Variants in PPME1 observed in about 807,000 individuals in gnomAD.
PPME1 encodes testicular secretory protein Li 39.
Under a neutral mutation model 56.9 loss-of-function variants are expected in PPME1, and 17 were observed. That is an observed-to-expected ratio of 0.30 (90% CI 0.20 to 0.45). The LOEUF is 0.45. Among genes scored for constraint, PPME1 ranks in the 20% least tolerant of loss-of-function variants. The pLI, the probability that PPME1 is intolerant of heterozygous loss-of-function variation, is 1.00. For missense variants in PPME1, 357 were observed against 483.2 expected (o/e 0.74, Z 2.45); for synonymous variants, 122 against 156.2 (o/e 0.78, Z 1.63).
At position 74,253,609 on chromosome 11, in the gene PPME1, C is replaced by T; in HGVS notation, c.*99C>T. ...ACTGTCTCCTCTCCATCCCGCCCAG[C>T]CATGTGACACTGGCTCCCGGTAGAC... On this transcript the variant is annotated 3_prime_UTR_variant, in exon 14 of 14. Transcript: ENST00000328257. The T allele has an allele frequency of 7.5e-7, 1 of 1,339,870 alleles. No individual in the cohort carries two copies. Among genetic ancestry groups the T allele is most frequent in the South Asian group, 1.2e-5 (1 of 84,940 alleles). The allele number at this position is 1,339,870 out of a possible 1,614,324, so 83.0% of individuals were successfully genotyped here. A position where few individuals can be genotyped will look rare whatever the true frequency, so the allele number is the denominator to read the frequency against.
chr11:74,226,969 C>T (rs529533528), intron 5 of PPME1, among the ~76,000 whole-genome samples: 7 of 152,246 alleles, frequency 4.6e-5, no homozygotes, highest in South Asian at 2.1e-4. Context: ...GGAGAATGCA[C>T]GACCATGGTT....
At chr11:74,206,514 G>T (rs1317366867) in intron 3 of PPME1, among the ~76,000 whole-genome samples, 1 of 152,114 alleles carries the variant, frequency 6.6e-6, no homozygotes, top group Admixed American at 6.6e-5. Context: ...ACTGAAAGGG[G>T]TTTGCCTGAA....
chr11:74,236,191 A>T (rs1271434929), intron 8 of PPME1, among the ~76,000 whole-genome samples: 1 of 151,962 alleles, frequency 6.6e-6, no homozygotes, highest in African/African-American at 2.4e-5. Flanking sequence ...CTCCTCATTT[A>T]ATACTGGATT....
intron 9 of PPME1, among the ~76,000 whole-genome samples, chr11:74,241,127 A>G (rs1320634847): frequency 6.6e-6 from 1 of 152,212 alleles, no homozygotes; most frequent in East Asian, 1.9e-4. Context: ...AGGAGTGTCC[A>G]TGAGAATTCA....
intron 3 of PPME1, among the ~76,000 whole-genome samples, chr11:74,217,541 C>CAAAGAAA (rs1858683460): frequency 1.3e-5 from 1 of 79,034 alleles, no homozygotes; most frequent in African/African-American, 4.7e-5. Flanking sequence ...GACTCCGTCT[C>CAAAGAAA]AAAAAAAAAA....
intron 3 of PPME1, among the ~76,000 whole-genome samples, chr11:74,216,580 G>A (rs957681334): frequency 2.6e-5 from 4 of 151,948 alleles, no homozygotes; most frequent in African/African-American, 9.7e-5. Context: ...GCATCCTAAA[G>A]AATTAGAAGA....
chr11:74,239,378 C>CA, intron 9 of PPME1, 122 bp downstream of exon 9: 1 of 1,416,040 alleles, frequency 7.1e-7, no homozygotes, highest in East Asian at 2.4e-5. Context: ...GGAGCCAAGA[C>CA]ACTATCATAA....
intron 13 of PPME1, among the ~76,000 whole-genome samples, chr11:74,253,080 T>A (rs1565398853): frequency 6.6e-6 from 1 of 152,202 alleles, no homozygotes; most frequent in Non-Finnish European, 1.5e-5. Flanking sequence ...AAATGGCTTC[T>A]GCGTTAGAGA....
intron 3 of PPME1, among the ~76,000 whole-genome samples, chr11:74,216,657 G>T (rs1309031473): frequency 6.6e-6 from 1 of 151,958 alleles, no homozygotes; most frequent in Non-Finnish European, 1.5e-5. Flanking sequence ...AGAAATAAAT[G>T]AAATCAAAAC....
At chr11:74,176,767 C>G (rs117332729) in intron 1 of PPME1, among the ~76,000 whole-genome samples, 2,264 of 142,974 alleles carry the variant, frequency 0.016, 37 homozygotes, top group African/African-American at 0.028. Flanking sequence ...TGCTCTGTCA[C>G]CGAGGCCGGA....
At chr11:74,178,919 T>A (rs930406580) in intron 1 of PPME1, among the ~76,000 whole-genome samples, 3 of 152,198 alleles carry the variant, frequency 2.0e-5, no homozygotes, top group African/African-American at 7.2e-5. Context: ...ATAGTTTTTT[T>A]TTTTTTAAGA....
intron 4 of PPME1, chr11:74,222,780 C>T (rs1023769090): frequency 1.3e-4 from 23 of 170,388 alleles, no homozygotes; most frequent in Admixed American, 1.3e-3. Flanking sequence ...TGAGCCACTG[C>T]GCCCAGCTCG....
At chr11:74,249,060 A>G (rs987474184) in intron 11 of PPME1, 1 of 152,244 alleles carries the variant, frequency 6.6e-6, no homozygotes, top group Non-Finnish European at 1.5e-5. Context: ...GATGCCTTTC[A>G]TTATATTCAG....
At chr11:74,225,305 A>T in intron 5 of PPME1, 49 bp downstream of exon 5, 2 of 1,259,818 alleles carry the variant, frequency 1.6e-6, no homozygotes, top group Non-Finnish European at 2.2e-6. Context: ...CATCACTATT[A>T]TAAATAGTAC....
chr11:74,253,610 C>G lies in PPME1; in HGVS notation c.*100C>G. On this transcript the variant is annotated 3_prime_UTR_variant, in exon 14 of 14. Transcript: ENST00000328257. The stretch of plus-strand genomic sequence containing the variant: ...CTGTCTCCTCTCCATCCCGCCCAGC[C>G]ATGTGACACTGGCTCCCGGTAGACG... 7.4e-7 allele frequency: 1 copy of G among 1,342,540 alleles called. No individual in the cohort carries two copies. The highest frequency in any genetic ancestry group is 1.1e-6 in the Non-Finnish European group (1 of 934,850). 83.2% of individuals were successfully genotyped at this position (1,342,540 alleles called of 1,614,324 possible).
chr11:74,251,202 A>G (rs1859650292), intron 12 of PPME1, 184 bp downstream of exon 12: 6 of 1,437,942 alleles, frequency 4.2e-6, no homozygotes, highest in Non-Finnish European at 3.6e-6. Context: ...GGTTTTGTGT[A>G]TATGTGCTGA....
rs189069207 is a variant in PPME1 at position 74,226,282 on chromosome 11, T to C, written c.398+1026T>C. 3.3e-4 allele frequency among the ~76,000 whole-genome samples: 50 copies of C among 152,294 alleles called. No individual in the cohort carries two copies. In the East Asian group the frequency reaches 8.9e-3, roughly 27 times the overall value. ...TTAACTCTGTAATACAGATATACCC[T>C]TTTACAGATGAGGAAACTGGCTCAT... On this transcript the variant is annotated intron_variant, in intron 5 of 13. Coordinates refer to ENST00000328257, the MANE Select transcript of PPME1 (RefSeq NM_016147.3).
chr11:74,194,691 C>A (rs535726226), intron 1 of PPME1, among the ~76,000 whole-genome samples: 1 of 151,854 alleles, frequency 6.6e-6, no homozygotes, highest in African/African-American at 2.4e-5. Flanking sequence ...TATTAATTAC[C>A]ATAGACAGAA....
chr11:74,231,213 A>G (rs916867469), intron 7 of PPME1, among the ~76,000 whole-genome samples: 1 of 152,122 alleles, frequency 6.6e-6, no homozygotes, highest in African/African-American at 2.4e-5. Context: ...ACACACCACC[A>G]AGCCTGGCTA....
Sources: gnomAD v4.1 joint callset for allele counts (sites outside exome capture counted in the v4.1 genomes callset) on GRCh38, gnomAD v4.1.1 for gene constraint, MANE v1.5 for transcripts, NCBI Gene and HGNC (gene_info 2026-07-23, HGNC 2026-07-21) for gene names.